The following SPECC1 variants were observed in gnomAD, a reference collection of about 807,000 sequenced individuals.
SPECC1 encodes sperm antigen with calponin homology and coiled-coil domains 1, also known as cytospin-B.
SPECC1 carries 62 observed loss-of-function variants against 104.1 expected under a neutral mutation model. The observed-to-expected ratio is 0.60, with a 90% CI of 0.49 to 0.74. The LOEUF (loss-of-function observed/expected upper bound fraction) is 0.74, where lower values mean the gene tolerates loss of function less well. Ranked by LOEUF, SPECC1 falls within the 30% of genes least tolerant of loss-of-function variation. The pLI, the probability that SPECC1 is intolerant of heterozygous loss-of-function variation, is 0.00. For synonymous variants in SPECC1, 513 were observed against 501.6 expected, an observed-to-expected ratio of 1.02 and a Z score of -0.30; for missense variants, 1,306 against 1,310.5, an observed-to-expected ratio of 1.00 and a Z score of 0.05.
At chr17:20,192,020 T>C (rs2035705795) in intron 3 of SPECC1, among the ~76,000 whole-genome samples, 2 of 152,164 alleles carry the variant, frequency 1.3e-5, no homozygotes, top group East Asian at 3.8e-4. Flanking sequence ...TACTGCAGCC[T>C]TCACCTCCTG....
intron 3 of SPECC1, among the ~76,000 whole-genome samples, chr17:20,166,144 T>C (rs1229655440): frequency 1.3e-5 from 2 of 152,350 alleles, no homozygotes; most frequent in Middle Eastern, 3.4e-3. Context: ...TAGGACCTTT[T>C]ATATTGATAA....
At chr17:20,155,831 C>T (rs2032422572) in intron 3 of SPECC1, 8 of 821,738 alleles carry the variant, frequency 9.7e-6, no homozygotes, top group Non-Finnish European at 1.2e-5. Context: ...GTGCGTCCCG[C>T]CCACGGCGCG....
At chr17:20,229,444 C>T (rs1296389989) in intron 5 of SPECC1, among the ~76,000 whole-genome samples, 1 of 152,126 alleles carries the variant, frequency 6.6e-6, no homozygotes, top group Admixed American at 6.6e-5. Context: ...GCAGGAGGAT[C>T]GATTGAGCCC....
At chr17:20,268,361 A>G (rs1191117260) in intron 12 of SPECC1, among the ~76,000 whole-genome samples, 1 of 152,322 alleles carries the variant, frequency 6.6e-6, no homozygotes, top group Non-Finnish European at 1.5e-5. Flanking sequence ...AAGAACACCC[A>G]TGTTGCAGGC....
At chr17:20,269,060 C>T (rs2040311137) in intron 12 of SPECC1, among the ~76,000 whole-genome samples, 2 of 152,202 alleles carry the variant, frequency 1.3e-5, no homozygotes, top group East Asian at 1.9e-4. Context: ...CTAAGCTGGG[C>T]ACATCCCCAA....
At chr17:20,079,101 T>TAA (rs1170585079) in intron 1 of SPECC1, among the ~76,000 whole-genome samples, 1 of 152,148 alleles carries the variant, frequency 6.6e-6, no homozygotes, top group Non-Finnish European at 1.5e-5. Flanking sequence ...TAACTTATGT[T>TAA]TTAGAAAAGG....
intron 3 of SPECC1, among the ~76,000 whole-genome samples, chr17:20,113,779 A>G (rs1471963642): frequency 1.3e-5 from 2 of 152,224 alleles, no homozygotes; most frequent in East Asian, 3.8e-4. Context: ...ACACCAGACC[A>G]AGCAATTCTG....
chr17:20,012,838 T>G (rs1236782690), intron 1 of SPECC1, among the ~76,000 whole-genome samples: 3 of 152,238 alleles, frequency 2.0e-5, no homozygotes, highest in Admixed American at 1.3e-4. Context: ...CTTACAAAAT[T>G]GAAGCTCTGT....
chr17:20,175,118 GC>G (rs1243066787), intron 3 of SPECC1, among the ~76,000 whole-genome samples: 1 of 152,062 alleles, frequency 6.6e-6, no homozygotes, highest in Non-Finnish European at 1.5e-5. Flanking sequence ...AAGAAAGTGC[GC>G]CTCTGTTTCT....
intron 3 of SPECC1, among the ~76,000 whole-genome samples, chr17:20,151,920 G>T (rs1597825437): frequency 6.6e-6 from 1 of 151,614 alleles, no homozygotes; most frequent in East Asian, 1.9e-4. Flanking sequence ...ATGGTGGCAG[G>T]CGCCTGTAAT....
At chr17:20,142,366 G>A (rs1004577327) in intron 3 of SPECC1, among the ~76,000 whole-genome samples, 11 of 152,152 alleles carry the variant, frequency 7.2e-5, no homozygotes, top group Non-Finnish European at 1.0e-4. Context: ...ATATTTGTGC[G>A]CCCGTGTTCT....
chr17:20,227,868 T>TG (rs1181894619), intron 5 of SPECC1, among the ~76,000 whole-genome samples: 2 of 152,098 alleles, frequency 1.3e-5, no homozygotes, highest in East Asian at 3.9e-4. Context: ...TGAGCCGAGA[T>TG]TGCGCCACTG....
intron 3 of SPECC1, among the ~76,000 whole-genome samples, chr17:20,188,405 G>A (rs891750803): frequency 6.6e-6 from 1 of 151,772 alleles, no homozygotes; most frequent in South Asian, 2.1e-4. Flanking sequence ...ATACAGGTGC[G>A]CACCACCACG....
At chr17:20,230,397 C>G (rs1162231731) in intron 5 of SPECC1, among the ~76,000 whole-genome samples, 1 of 152,208 alleles carries the variant, frequency 6.6e-6, no homozygotes, top group Non-Finnish European at 1.5e-5. Flanking sequence ...CGTTCAGTGT[C>G]AGTGCCATCC....
rs2039080590 is a variant in SPECC1 at position 20,239,227 on chromosome 17, A to AT, written c.2352-6693dup. Reference sequence around the variant, plus strand: ...ATAGATTGATGATTTAATGTATTGGATTTTTTCTTAATTATGAAGTATTAT... The same window carrying AT: ...ATAGATTGATGATTTAATGTATTGGATTTTTTTCTTAATTATGAAGTATTAT... On this transcript the variant is annotated intron_variant, in intron 7 of 14. Coordinates refer to ENST00000395527, the MANE Select transcript of SPECC1 (RefSeq NM_001243439.2). 4.9e-6 allele frequency: 5 copies of AT among 1,016,638 alleles called. No individual in the cohort carries two copies. The South Asian group carries it at 1.4e-4, about 28-fold the overall frequency. The allele number at this position is 1,016,638 out of a possible 1,614,324, so 63.0% of individuals were successfully genotyped here. A position where few individuals can be genotyped will look rare whatever the true frequency, so the allele number is the denominator to read the frequency against.
At chr17:20,032,531 A>T (rs2044858767) in intron 1 of SPECC1, among the ~76,000 whole-genome samples, 1 of 152,084 alleles carries the variant, frequency 6.6e-6, no homozygotes, top group Non-Finnish European at 1.5e-5. Context: ...TTCTTCTGCC[A>T]GTTCAAATAT....
At chr17:20,176,109 A>G (rs2034454621) in intron 3 of SPECC1, among the ~76,000 whole-genome samples, 2 of 152,100 alleles carry the variant, frequency 1.3e-5, no homozygotes, top group Admixed American at 1.3e-4. Context: ...TTTATTTACT[A>G]GCTGTAGGAT....
At chr17:20,305,081 C>T (rs967032033) in intron 13 of SPECC1, among the ~76,000 whole-genome samples, 1 of 152,112 alleles carries the variant, frequency 6.6e-6, no homozygotes, top group African/African-American at 2.4e-5. Flanking sequence ...AGAGGAACTC[C>T]TTTAAATGAT....
intron 12 of SPECC1, among the ~76,000 whole-genome samples, chr17:20,287,255 A>C (rs575905927): frequency 6.6e-6 from 1 of 152,164 alleles, no homozygotes; most frequent in Admixed American, 6.5e-5. Flanking sequence ...GTCTCTACGA[A>C]AAATACAAAA....
Sources: allele counts gnomAD v4.1 joint callset (sites outside exome capture counted in the v4.1 genomes callset), GRCh38; gene constraint gnomAD v4.1.1; transcripts MANE v1.5; gene names NCBI Gene and HGNC (gene_info 2026-07-23, HGNC 2026-07-21).